ANKRD11: variants seen among roughly 807,000 people sequenced by gnomAD.
The protein encoded by ANKRD11 is ankyrin repeat domain 11.
A neutral mutation model predicts 195.7 loss-of-function variants in ANKRD11; 17 were observed. The ratio of observed to expected loss-of-function variants is 0.09; its 90% CI spans 0.06 to 0.13. The LOEUF (loss-of-function observed/expected upper bound fraction) is 0.13. Among genes scored for constraint, ANKRD11 ranks in the 10% least tolerant of loss-of-function variants. The pLI is 1.00. For missense variants in ANKRD11, 3,735 were observed against 3,566.1 expected (o/e 1.05, Z -1.21); for synonymous variants, 1,953 against 1,528.1 (o/e 1.28, Z -6.49).
At chr16:89,444,625 A>C (rs1327337312) in intron 1 of ANKRD11, among the ~76,000 whole-genome samples, 1 of 152,156 alleles carries the variant, frequency 6.6e-6, no homozygotes, top group Non-Finnish European at 1.5e-5. Context: ...GAGCCCCTTC[A>C]GGGTCTAGCA....
chr16:89,390,046 A>G (rs1218198649), intron 2 of ANKRD11, among the ~76,000 whole-genome samples: 1 of 78,844 alleles, frequency 1.3e-5, no homozygotes, highest in Admixed American at 1.2e-4. Context: ...GCACCGAGAG[A>G]AAGAAGATCA....
intron 2 of ANKRD11, among the ~76,000 whole-genome samples, chr16:89,399,244 T>C (rs1473863904): frequency 2.0e-5 from 3 of 152,112 alleles, no homozygotes; most frequent in African/African-American, 7.2e-5. Flanking sequence ...ATTCTTCATT[T>C]ATCCGTAAGA....
At chr16:89,463,708 G>A (rs1403524749) in intron 1 of ANKRD11, among the ~76,000 whole-genome samples, 1 of 151,064 alleles carries the variant, frequency 6.6e-6, no homozygotes, top group South Asian at 2.1e-4. Context: ...CCTCACACTG[G>A]ATAAGTGTTT....
chr16:89,478,378 T>C (rs1207771908), intron 1 of ANKRD11, among the ~76,000 whole-genome samples: 3 of 151,860 alleles, frequency 2.0e-5, no homozygotes, highest in Non-Finnish European at 4.4e-5. Flanking sequence ...GACATCCTCT[T>C]CTACACAACT....
intron 2 of ANKRD11, among the ~76,000 whole-genome samples, chr16:89,320,975 A>C (rs1293453970): frequency 6.6e-6 from 1 of 152,222 alleles, no homozygotes; most frequent in African/African-American, 2.4e-5. Context: ...AGGTGGCTTC[A>C]AGAGCACTCA....
intron 2 of ANKRD11, among the ~76,000 whole-genome samples, chr16:89,351,410 C>G (rs2039212996): frequency 6.6e-6 from 1 of 152,190 alleles, no homozygotes; most frequent in African/African-American, 2.4e-5. Context: ...CTGACTTCAC[C>G]ACACACCCTC....
At chr16:89,307,915 T>A (rs1300358004) in intron 3 of ANKRD11, among the ~76,000 whole-genome samples, 1 of 151,386 alleles carries the variant, frequency 6.6e-6, no homozygotes, top group Non-Finnish European at 1.5e-5. Flanking sequence ...AGGGAAAGTT[T>A]CTACCAAACA....
chr16:89,450,088 T>C (rs933428580), intron 1 of ANKRD11, among the ~76,000 whole-genome samples: 1 of 152,188 alleles, frequency 6.6e-6, no homozygotes, highest in African/African-American at 2.4e-5. Context: ...AACAATTGTG[T>C]TACTGAATGT....
intron 2 of ANKRD11, among the ~76,000 whole-genome samples, chr16:89,369,094 C>G (rs551331760): frequency 2.9e-4 from 44 of 152,256 alleles, no homozygotes; most frequent in African/African-American, 1.0e-3. Flanking sequence ...ATGATCACAT[C>G]ACTACCAAGC....
Position 89,284,315 on chromosome 16 carries a change from C to T in ANKRD11, c.2227G>A (p.Glu743Lys). ...TTTTCCTTCAGCGATCTCTCCTTTT[C>T]TGCTTTATTCGAACGGTCTTTCTCT... ...REEKDRSNKA[E>K]KERSLKEKSP... Residue 743 changes from glutamate to lysine, a missense_variant, in exon 9 of 13, where the codon GAA (glutamate) becomes AAA (lysine). Transcript: ENST00000301030. 1 of 1,613,846 alleles carries T rather than the reference C, an allele frequency of 6.2e-7. No individual in the cohort carries two copies. Among genetic ancestry groups the T allele is most frequent in the Non-Finnish European group, 8.5e-7 (1 of 1,179,998 alleles).
At chr16:89,318,899 A>G (rs142165762) in intron 2 of ANKRD11, among the ~76,000 whole-genome samples, 35 of 152,180 alleles carry the variant, frequency 2.3e-4, no homozygotes, top group African/African-American at 7.7e-4. Context: ...GGCCAGACAT[A>G]TTTTCTCTCT....
At chr16:89,300,761 G>A (rs751821997) in intron 4 of ANKRD11, 1 of 619,074 alleles carries the variant, frequency 1.6e-6, no homozygotes, top group Non-Finnish European at 2.9e-6. Context: ...ACCAGCATGT[G>A]CCTGGCAGCA....
At chr16:89,302,472 C>T (rs539610342) in intron 4 of ANKRD11, among the ~76,000 whole-genome samples, 7 of 152,206 alleles carry the variant, frequency 4.6e-5, no homozygotes, top group East Asian at 1.9e-4. Flanking sequence ...AGGCTGGTCT[C>T]GAACTCCTGA....
chr16:89,346,323 G>A (rs545299040), intron 2 of ANKRD11, among the ~76,000 whole-genome samples: 2 of 151,474 alleles, frequency 1.3e-5, no homozygotes, highest in Admixed American at 1.3e-4. Flanking sequence ...ATATTAAAGT[G>A]CCTTTCAGTA....
Position 89,280,243 on chromosome 16 carries a change from T to G in ANKRD11, c.6299A>C (p.Asn2100Thr), listed in dbSNP as rs1226098103. ...GCCGCGGCTGCCGTCCAGGAAGCTA[T>G]TTTCCAGGGGCCCCAGAGCCTCCAC... Reference protein sequence around the residue: ...AQVEALGPLENSFLDGSRGLS... With the variant: ...AQVEALGPLETSFLDGSRGLS... The change falls in exon 9 of 13, where the codon AAT becomes ACT. Residue 2100 changes from asparagine (N) to threonine (T), a missense_variant. Transcript: ENST00000301030. 6.2e-7 allele frequency: 1 copy of G among 1,608,382 alleles called. No individual in the cohort carries two copies. The highest frequency in any genetic ancestry group is 2.2e-5 in the East Asian group (1 of 44,864).
intron 11 of ANKRD11, 34 bp from the exon 12 acceptor site, chr16:89,270,943 G>A (rs896148528): frequency 6.8e-6 from 11 of 1,607,462 alleles, no homozygotes; most frequent in East Asian, 2.2e-5. Context: ...TTCATCAGGA[G>A]CCCCAGAGAC....
At chr16:89,400,860 C>G (rs989180349) in intron 2 of ANKRD11, among the ~76,000 whole-genome samples, 2 of 152,264 alleles carry the variant, frequency 1.3e-5, no homozygotes, top group East Asian at 3.9e-4. Flanking sequence ...CTGCAGCCAC[C>G]TGGACCAGCT....
chr16:89,314,300 G>A (rs1431813830), intron 3 of ANKRD11, among the ~76,000 whole-genome samples: 2 of 151,994 alleles, frequency 1.3e-5, no homozygotes. Flanking sequence ...ACATACAACT[G>A]AACCCATAAC....
intron 2 of ANKRD11, among the ~76,000 whole-genome samples, chr16:89,358,770 T>C (rs1027761501): frequency 4.6e-5 from 7 of 152,028 alleles, no homozygotes; most frequent in African/African-American, 1.7e-4. Flanking sequence ...TGCAAACCAC[T>C]TCCCCTGTGC....
Sources: allele counts gnomAD v4.1 joint callset (sites outside exome capture counted in the v4.1 genomes callset), GRCh38; gene constraint gnomAD v4.1.1; transcripts MANE v1.5; gene names NCBI Gene and HGNC (gene_info 2026-07-23, HGNC 2026-07-21).